AGO3: variants seen among roughly 807,000 people sequenced by gnomAD.
AGO3 encodes protein argonaute-3.
A neutral mutation model predicts 105.5 loss-of-function variants in AGO3; 16 were observed. The ratio of observed to expected loss-of-function variants is 0.15; its 90% CI spans 0.10 to 0.23. The LOEUF (loss-of-function observed/expected upper bound fraction) is 0.23. Ranked by LOEUF, AGO3 falls within the 10% of genes least tolerant of loss-of-function variation. The pLI, the probability that AGO3 is intolerant of heterozygous loss-of-function variation, is 1.00. For missense variants in AGO3, 534 were observed against 1,088.0 expected (o/e 0.49, Z 7.16); for synonymous variants, 340 against 367.3 (o/e 0.93, Z 0.85).
In AGO3 at chr1:35,948,953, A is replaced by T. The variant is rs548242877; in HGVS notation, c.191+3090A>T. ...TATTTTATTATTATTTTATTTATTT[A>T]TTTTTTTGAGATGGAGTTTTGCTCT... is the stretch of plus-strand genomic sequence containing the variant. On this transcript the variant is annotated intron_variant, in intron 2 of 18. Transcript: ENST00000373191. Among the ~76,000 whole-genome samples, 20 of 151,286 alleles carry T rather than the reference A, an allele frequency of 1.3e-4. No individual in the cohort carries two copies. In the South Asian group the frequency reaches 2.3e-3, roughly 17 times the overall value.
At chr1:35,948,733 G>A (rs1464459000) in intron 2 of AGO3, among the ~76,000 whole-genome samples, 1 of 152,036 alleles carries the variant, frequency 6.6e-6, no homozygotes, top group East Asian at 1.9e-4. Context: ...ATAAATTGGT[G>A]TGGTGCATTC....
intron 17 of AGO3, 39 bp downstream of exon 17, chr1:36,043,587 A>G: frequency 6.8e-7 from 1 of 1,462,980 alleles, no homozygotes; most frequent in Non-Finnish European, 9.4e-7. Context: ...TAATTCAAGA[A>G]CTGTCATTCT....
intron 2 of AGO3, among the ~76,000 whole-genome samples, chr1:35,960,766 C>T (rs1646658636): frequency 6.6e-6 from 1 of 151,944 alleles, no homozygotes; most frequent in East Asian, 1.9e-4. Flanking sequence ...CAGTTATGAA[C>T]TTAAAAAACT....
At chr1:36,016,343 G>A (rs1227694957) in intron 11 of AGO3, among the ~76,000 whole-genome samples, 4 of 152,012 alleles carry the variant, frequency 2.6e-5, no homozygotes, top group African/African-American at 7.3e-5. Flanking sequence ...TACTATGCCC[G>A]GCTAATTTTT....
intron 5 of AGO3, among the ~76,000 whole-genome samples, chr1:36,003,094 GATAA>G (rs772552120): frequency 2.4e-4 from 36 of 150,964 alleles, no homozygotes; most frequent in Non-Finnish European, 4.7e-4. Flanking sequence ...TAGATAAATA[GATAA>G]ATAAATAAAT....
chr1:36,018,652 C>G (rs1414087420), intron 11 of AGO3, among the ~76,000 whole-genome samples: 1 of 152,122 alleles, frequency 6.6e-6, no homozygotes, highest in South Asian at 2.1e-4. Flanking sequence ...AGGATGGTCT[C>G]GATCTCCTGA....
intron 5 of AGO3, among the ~76,000 whole-genome samples, chr1:36,003,694 C>CAAAAAAAAAAAAAAAA (rs1209511459): frequency 1.9e-5 from 1 of 53,482 alleles, no homozygotes; most frequent in Non-Finnish European, 3.0e-5. Context: ...AAGTCTGTCT[C>CAAAAAAAAAAAAAAAA]AAAAAAAAAA....
intron 12 of AGO3, among the ~76,000 whole-genome samples, chr1:36,031,904 G>A (rs868865510): frequency 6.7e-6 from 1 of 149,154 alleles, no homozygotes; most frequent in Non-Finnish European, 1.5e-5. Flanking sequence ...GTGTGGGGGG[G>A]CGGGGGGTGT....
chr1:36,042,309 T>C (rs535369461), intron 16 of AGO3, among the ~76,000 whole-genome samples: 205 of 152,286 alleles, frequency 1.3e-3, no homozygotes, highest in African/African-American at 4.8e-3. Flanking sequence ...GGTCACAAAC[T>C]CCTGGTTTCA....
At chr1:35,942,808 G>C (rs1371405907) in intron 1 of AGO3, among the ~76,000 whole-genome samples, 1 of 152,058 alleles carries the variant, frequency 6.6e-6, no homozygotes, top group Non-Finnish European at 1.5e-5. Context: ...CATTCACAGT[G>C]TTGTGCAGCC....
chr1:36,018,569 A>G (rs1641033115), intron 11 of AGO3, among the ~76,000 whole-genome samples: 1 of 151,816 alleles, frequency 6.6e-6, no homozygotes, highest in Non-Finnish European at 1.5e-5. Context: ...AGTAGCTGGG[A>G]CTACAGGCAT....
At chr1:35,983,783 A>G (rs1458924441) in intron 5 of AGO3, among the ~76,000 whole-genome samples, 1 of 152,186 alleles carries the variant, frequency 6.6e-6, no homozygotes, top group African/African-American at 2.4e-5. Flanking sequence ...TGGTACTGTC[A>G]ACTGAATATG....
intron 2 of AGO3, among the ~76,000 whole-genome samples, chr1:35,956,334 A>G (rs545082395): frequency 1.3e-5 from 2 of 152,322 alleles, no homozygotes; most frequent in South Asian, 4.1e-4. Flanking sequence ...TATTTTGAAT[A>G]TTTGGAGGTT....
intron 12 of AGO3, among the ~76,000 whole-genome samples, chr1:36,031,953 G>C (rs1196692612): frequency 6.6e-6 from 1 of 151,878 alleles, no homozygotes; most frequent in Admixed American, 6.6e-5. Context: ...TTATTCTTCT[G>C]TTGATGGACA....
At chr1:35,973,592 A>G (rs752368349) in intron 5 of AGO3, 81 bp downstream of exon 5, 1 of 1,298,738 alleles carries the variant, frequency 7.7e-7, no homozygotes, top group Non-Finnish European at 1.0e-6. Flanking sequence ...ATATAATTAT[A>G]CATACTGGTG....
chr1:35,961,454 G>A (rs766356657), intron 2 of AGO3, among the ~76,000 whole-genome samples: 2 of 151,998 alleles, frequency 1.3e-5, no homozygotes, highest in Admixed American at 6.6e-5. Context: ...TGAAAATTTC[G>A]TTCCAAAATG....
At chr1:35,975,515 C>T (rs1646940278) in intron 5 of AGO3, among the ~76,000 whole-genome samples, 1 of 151,584 alleles carries the variant, frequency 6.6e-6, no homozygotes, top group African/African-American at 2.4e-5. Context: ...TGCTATTTGT[C>T]TTTTGACCTT....
chr1:35,988,487 GTGAGT>G (rs1238660137), intron 5 of AGO3, among the ~76,000 whole-genome samples: 1 of 151,978 alleles, frequency 6.6e-6, no homozygotes, highest in Non-Finnish European at 1.5e-5. Flanking sequence ...CTCTGTTTCT[GTGAGT>G]TGAGCTTTCT....
chr1:35,957,597 G>A (rs1646593218), intron 2 of AGO3, among the ~76,000 whole-genome samples: 1 of 151,584 alleles, frequency 6.6e-6, no homozygotes, highest in South Asian at 2.1e-4. Flanking sequence ...GTGGTGGCAC[G>A]TGCTTGTAAT....
Sources: gnomAD v4.1 joint callset for allele counts (sites outside exome capture counted in the v4.1 genomes callset) on GRCh38, gnomAD v4.1.1 for gene constraint, MANE v1.5 for transcripts, NCBI Gene and HGNC (gene_info 2026-07-23, HGNC 2026-07-21) for gene names.